The following DPP6 variants were observed in gnomAD, a reference collection of about 807,000 sequenced individuals.
DPP6 encodes the protein dipeptidyl peptidase like 6, also known as A-type potassium channel modulatory protein DPP6.
In DPP6, 69 loss-of-function variants were observed where a neutral mutation model predicts 122.6. The ratio of observed to expected loss-of-function variants is 0.56; its 90% CI spans 0.46 to 0.69. The LOEUF is 0.69. Among genes scored for constraint, DPP6 ranks in the 30% least tolerant of loss-of-function variants. The probability of loss-of-function intolerance (pLI) is 0.00; values close to 1 mark genes in which losing one functional copy is unlikely to be tolerated. For missense variants in DPP6, 928 were observed against 1,116.9 expected (o/e 0.83, Z 2.41); for synonymous variants, 418 against 433.1 (o/e 0.97, Z 0.43).
intron 2 of DPP6, among the ~76,000 whole-genome samples, chr7:154,447,032 A>C (rs1310982823): frequency 6.6e-6 from 1 of 152,192 alleles, no homozygotes; most frequent in African/African-American, 2.4e-5. Flanking sequence ...AGAGCTGGAC[A>C]TGGTGGCTTA....
rs753702819 is a variant in DPP6 at position 154,868,117 on chromosome 7, TAAAAGA to T, written c.1813+40_1813+45del. ...CAGTAAGTACTACGTTTTTCCCCTC[TAAAAGA>T]AAAAGAAAAAGAAAACGTGGGCTGT... On this transcript the variant is annotated intron_variant, in intron 18 of 25. Transcript: ENST00000377770. 203 of 1,575,040 alleles carry T rather than the reference TAAAAGA, an allele frequency of 1.3e-4. 1 individual carries two copies. The East Asian group carries it at 2.0e-3, about 15-fold the overall frequency.
chr7:154,379,320 G>A (rs1813393975), intron 1 of DPP6, among the ~76,000 whole-genome samples: 1 of 152,052 alleles, frequency 6.6e-6, no homozygotes, highest in Non-Finnish European at 1.5e-5. Context: ...GGATCACTTG[G>A]ACACAGGGCA....
Position 153,965,556 on chromosome 7 carries a change from A to G in DPP6, c.51+77822A>G, listed in dbSNP as rs542592481. Among the ~76,000 whole-genome samples, 1,034 of 152,054 alleles carry G rather than the reference A, an allele frequency of 6.8e-3. 5 individuals are homozygous for G. The highest frequency in any genetic ancestry group is 0.016 in the South Asian group (77 of 4,802). On this transcript the variant is annotated intron_variant, in intron 1 of 25. Coordinates refer to the DPP6 transcript ENST00000404039. ...GAGATGGAGTCTCGCTGTGTCCCCC[A>G]GGTTGGAGCACAGTGGCGCGATTTC...
intron 1 of DPP6, among the ~76,000 whole-genome samples, chr7:154,249,896 AAAG>A (rs1802239287): frequency 6.6e-6 from 1 of 152,156 alleles, no homozygotes; most frequent in African/African-American, 2.4e-5. Flanking sequence ...GCCTCCAAAG[AAAG>A]AAGAAGTAAA....
At chr7:154,097,455 G>A (rs567605325) in intron 1 of DPP6, among the ~76,000 whole-genome samples, 104 of 152,354 alleles carry the variant, frequency 6.8e-4, no homozygotes, top group Non-Finnish European at 1.4e-3. Context: ...AGCTGGACAG[G>A]GCTTCACACT....
rs111338527 is a variant in DPP6 at position 154,696,226 on chromosome 7, G to A, written c.762+26785G>A. Among the ~76,000 whole-genome samples the A allele has an allele frequency of 1.8e-3, 281 of 152,288 alleles. 1 individual carries two copies. The highest frequency in any genetic ancestry group is 0.01 in the Middle Eastern group (3 of 294). On this transcript the variant is annotated intron_variant, in intron 7 of 25. Coordinates refer to ENST00000377770, the MANE Select transcript of DPP6 (RefSeq NM_130797.4). ...GCTCTGGGCTTTTGTGAACTGACAC[G>A]GGGCACAGCCACCCGGGCCCCTGGG...
chr7:153,919,491 A>G (rs1800532960), intron 1 of DPP6, among the ~76,000 whole-genome samples: 1 of 152,156 alleles, frequency 6.6e-6, no homozygotes, highest in Non-Finnish European at 1.5e-5. Context: ...CCTCTGCCTA[A>G]GTTGAATGGT....
intron 10 of DPP6, among the ~76,000 whole-genome samples, chr7:154,773,533 G>C (rs889344096): frequency 2.6e-5 from 4 of 152,084 alleles, no homozygotes; most frequent in Non-Finnish European, 5.9e-5. Flanking sequence ...AATTCAAGCA[G>C]CGTGGGGAAT....
rs1361747536 is a variant in DPP6 at position 154,058,235 on chromosome 7, G to A, written c.243+5172G>A. On this transcript the variant is annotated intron_variant, in intron 1 of 25. Transcript: ENST00000377770. ...TCCCCTGGCTCTTTGCACCCCCATC[G>A]CAGGGGGGGAGGCACCCCTCGTGAT... 21 of 147,112 alleles carry A rather than the reference G, an allele frequency of 1.4e-4. 1 individual carries two copies. Among genetic ancestry groups the A allele is most frequent in the South Asian group, 2.2e-4 (1 of 4,560 alleles). The allele number at this position is 147,112 out of a possible 1,614,324, so 9.1% of individuals were successfully genotyped here. A position where few individuals can be genotyped will look rare whatever the true frequency, so the allele number is the denominator to read the frequency against.
chr7:154,130,413 A>T (rs1417217158), intron 1 of DPP6, among the ~76,000 whole-genome samples: 3 of 152,106 alleles, frequency 2.0e-5, no homozygotes, highest in Non-Finnish European at 2.9e-5. Context: ...CATCTGTAGG[A>T]TTATGTCACA....
At chr7:154,060,606 C>A (rs1286583464) in intron 1 of DPP6, among the ~76,000 whole-genome samples, 2 of 125,482 alleles carry the variant, frequency 1.6e-5, no homozygotes, top group East Asian at 2.5e-4. Context: ...TCCCTCTTCC[C>A]CCCCCTGGCT....
chr7:154,568,063 G>A (rs552356703), intron 5 of DPP6, among the ~76,000 whole-genome samples: 1 of 152,084 alleles, frequency 6.6e-6, no homozygotes, highest in African/African-American at 2.4e-5. Flanking sequence ...AAACAATGGG[G>A]CATCTTTGTC....
intron 10 of DPP6, among the ~76,000 whole-genome samples, chr7:154,775,499 A>G (rs898385252): frequency 3.3e-5 from 5 of 152,242 alleles, no homozygotes; most frequent in Non-Finnish European, 7.4e-5. Context: ...AAATGGTCAA[A>G]TTGTGATTCT....
intron 7 of DPP6, among the ~76,000 whole-genome samples, chr7:154,708,183 TA>T (rs1274479820): frequency 1.3e-5 from 2 of 152,212 alleles, no homozygotes; most frequent in Non-Finnish European, 2.9e-5. Flanking sequence ...AAAAAGCACA[TA>T]ACCACGTGTA....
At chr7:154,673,305 A>T (rs1186797736) in intron 7 of DPP6, among the ~76,000 whole-genome samples, 1 of 152,242 alleles carries the variant, frequency 6.6e-6, no homozygotes, top group Admixed American at 6.5e-5. Flanking sequence ...GGGAACATGT[A>T]GCCTCCTGTG....
intron 1 of DPP6, among the ~76,000 whole-genome samples, chr7:153,913,803 G>GTC (rs750642245): frequency 6.6e-6 from 1 of 152,128 alleles, no homozygotes; most frequent in Non-Finnish European, 1.5e-5. Flanking sequence ...TTCCATGTAC[G>GTC]TCTCCATCTG....
chr7:154,503,963 G>GA (rs533881621), intron 3 of DPP6, among the ~76,000 whole-genome samples: 54 of 151,712 alleles, frequency 3.6e-4, no homozygotes, highest in Non-Finnish European at 5.4e-4. Context: ...AAAAGTTGAT[G>GA]AAAAAAAACC....
intron 1 of DPP6, among the ~76,000 whole-genome samples, chr7:154,140,932 C>T (rs1443864746): frequency 6.6e-6 from 1 of 152,204 alleles, no homozygotes; most frequent in Non-Finnish European, 1.5e-5. Flanking sequence ...GCTAAGTAAT[C>T]TCCGAAGTCT....
intron 1 of DPP6, among the ~76,000 whole-genome samples, chr7:153,993,831 A>G (rs1302823489): frequency 6.6e-6 from 1 of 152,190 alleles, no homozygotes; most frequent in Admixed American, 6.5e-5. Context: ...CCTCTTTCCC[A>G]GCCACCCAGT....
Sources: allele counts gnomAD v4.1 joint callset (sites outside exome capture counted in the v4.1 genomes callset), GRCh38; gene constraint gnomAD v4.1.1; transcripts MANE v1.5; gene names NCBI Gene and HGNC (gene_info 2026-07-23, HGNC 2026-07-21).